The following ESRRG variants were observed in gnomAD, a reference collection of about 807,000 sequenced individuals.
ESRRG encodes the protein estrogen-related receptor gamma.
A neutral mutation model predicts 44.0 loss-of-function variants in ESRRG; 13 were observed. That is an observed-to-expected ratio of 0.30 (90% CI 0.19 to 0.47). The LOEUF (loss-of-function observed/expected upper bound fraction) is 0.47, where lower values mean the gene tolerates loss of function less well. ESRRG is among the 20% of genes least tolerant of loss of function. The pLI is 1.00. For synonymous variants in ESRRG, 215 were observed against 214.6 expected, an observed-to-expected ratio of 1.00 and a Z score of -0.02; for missense variants, 395 against 580.6, an observed-to-expected ratio of 0.68 and a Z score of 3.29.
intron 1 of ESRRG, among the ~76,000 whole-genome samples, chr1:217,088,340 T>G (rs2092211568): frequency 6.6e-6 from 1 of 150,878 alleles, no homozygotes; most frequent in South Asian, 2.1e-4. Flanking sequence ...TAGTAGGAGG[T>G]CATATGGACC....
intron 2 of ESRRG, among the ~76,000 whole-genome samples, chr1:216,770,241 G>GAA (rs919137609): frequency 6.6e-6 from 1 of 151,752 alleles, no homozygotes; most frequent in Non-Finnish European, 1.5e-5. Flanking sequence ...CTATAGAGGG[G>GAA]AAAAAAATAG....
At position 216,852,196 on chromosome 1, in the gene ESRRG, C is replaced by A. The variant is rs1436839162; in HGVS notation, c.-14+87386G>T. On this transcript the variant is annotated intron_variant, in intron 2 of 7. Transcript: ENST00000359162. ...GTCCAAGTCCTTCACTCTTGAAATT[C>A]ATCATCACCACCTTTAAAGAGATTA... Among the ~76,000 whole-genome samples, 3 of 152,316 alleles carry A rather than the reference C, an allele frequency of 2.0e-5. No homozygotes were observed. The East Asian group carries it at 5.8e-4, about 29-fold the overall frequency.
At chr1:216,707,893 T>C in intron 1 of ESRRG, among the ~76,000 whole-genome samples, 1 of 152,336 alleles carries the variant, frequency 6.6e-6, no homozygotes, top group East Asian at 1.9e-4. Flanking sequence ...TTTAAACTGA[T>C]ATTTTCTGAT....
chr1:216,808,657 C>T lies in ESRRG; in HGVS notation c.-14+130925G>A, dbSNP rs114293594. 4.6e-3 allele frequency among the ~76,000 whole-genome samples: 698 copies of T among 152,162 alleles called. 4 individuals are homozygous for T. The highest frequency in any genetic ancestry group is 0.016 in the African/African-American group (663 of 41,530). On this transcript the variant is annotated intron_variant, in intron 2 of 7. Transcript: ENST00000359162. ...CAGGCTAGTCTTGAACTCCTGGGCT[C>T]AAGCTATCTGCCTACCTCAGCCTCC...
intron 1 of ESRRG, among the ~76,000 whole-genome samples, chr1:216,720,057 A>G (rs2085873833): frequency 6.6e-6 from 1 of 152,106 alleles, no homozygotes; most frequent in East Asian, 1.9e-4. Context: ...CCCATTCAAT[A>G]TATATTTCAT....
At chr1:216,999,349 G>A (rs1480111209) in intron 1 of ESRRG, among the ~76,000 whole-genome samples, 1 of 152,156 alleles carries the variant, frequency 6.6e-6, no homozygotes, top group African/African-American at 2.4e-5. Flanking sequence ...TAAATCAAAA[G>A]AGCCACTCTT....
intron 1 of ESRRG, among the ~76,000 whole-genome samples, chr1:217,116,749 T>C (rs2092734254): frequency 6.6e-6 from 1 of 152,300 alleles, no homozygotes; most frequent in East Asian, 1.9e-4. Context: ...CTGCTTTCCC[T>C]CCTCTTTGAA....
intron 5 of ESRRG, among the ~76,000 whole-genome samples, chr1:216,524,007 C>CCG (rs1277518821): frequency 1.3e-4 from 20 of 151,888 alleles, no homozygotes; most frequent in African/African-American, 4.8e-4. Flanking sequence ...ACAAATAAAC[C>CCG]TAATGTTTAC....
chr1:217,059,561 A>C (rs2087899348), intron 1 of ESRRG, among the ~76,000 whole-genome samples: 1 of 152,106 alleles, frequency 6.6e-6, no homozygotes, highest in African/African-American at 2.4e-5. Flanking sequence ...AAGGCTTTTA[A>C]GGCTATGACA....
At chr1:216,797,549 G>A (rs375972198) in intron 2 of ESRRG, among the ~76,000 whole-genome samples, 12 of 152,164 alleles carry the variant, frequency 7.9e-5, no homozygotes, top group African/African-American at 2.9e-4. Context: ...TTACGTAAAG[G>A]GGGGAAAAAA....
intron 1 of ESRRG, chr1:216,707,371 G>A (rs1033660417): frequency 9.8e-6 from 15 of 1,535,738 alleles, no homozygotes; most frequent in Non-Finnish European, 1.2e-5. Context: ...TTTAGCTGAA[G>A]GAACACAGGC....
chr1:216,983,845 T>C (rs1471480621), intron 1 of ESRRG, among the ~76,000 whole-genome samples: 1 of 152,000 alleles, frequency 6.6e-6, no homozygotes, highest in Non-Finnish European at 1.5e-5. Flanking sequence ...ATAACCTGCC[T>C]GCTAATTGGG....
intron 2 of ESRRG, among the ~76,000 whole-genome samples, chr1:216,854,637 G>A (rs552970664): frequency 6.6e-6 from 1 of 152,256 alleles, no homozygotes; most frequent in African/African-American, 2.4e-5. Context: ...AAATGATCAT[G>A]TCTATATGGC....
intron 6 of ESRRG, among the ~76,000 whole-genome samples, chr1:216,510,098 C>T (rs184331364): frequency 2.6e-5 from 4 of 152,254 alleles, no homozygotes; most frequent in Admixed American, 2.6e-4. Context: ...TATGAACTAA[C>T]TAGACAGGAC....
intron 1 of ESRRG, among the ~76,000 whole-genome samples, chr1:217,134,151 C>G (rs2093014064): frequency 1.3e-5 from 2 of 152,138 alleles, no homozygotes; most frequent in Admixed American, 1.3e-4. Flanking sequence ...CGGGAGGGAA[C>G]TGGGGATGCG....
intron 2 of ESRRG, among the ~76,000 whole-genome samples, chr1:216,744,390 G>A (rs1033703520): frequency 6.6e-6 from 1 of 151,928 alleles, no homozygotes. Context: ...AACATCAACT[G>A]TACAACATTC....
chr1:216,550,181 G>A (rs547002759), intron 5 of ESRRG, among the ~76,000 whole-genome samples: 3 of 152,272 alleles, frequency 2.0e-5, no homozygotes, highest in East Asian at 3.9e-4. Context: ...CTGAAATAGT[G>A]TTTGGTTTGT....
intron 3 of ESRRG, among the ~76,000 whole-genome samples, chr1:216,603,229 AT>A (rs1374608198): frequency 2.6e-5 from 4 of 152,242 alleles, no homozygotes; most frequent in East Asian, 1.9e-4. Context: ...ATTCCCTCTT[AT>A]TTTTTTAACA....
At chr1:216,873,775 C>T (rs145746034) in intron 2 of ESRRG, among the ~76,000 whole-genome samples, 50 of 150,948 alleles carry the variant, frequency 3.3e-4, no homozygotes, top group African/African-American at 1.2e-3. Context: ...GTCTCCTCTT[C>T]CTCAGACATC....
Sources: allele counts gnomAD v4.1 joint callset (sites outside exome capture counted in the v4.1 genomes callset), GRCh38; gene constraint gnomAD v4.1.1; transcripts MANE v1.5; gene names NCBI Gene and HGNC (gene_info 2026-07-23, HGNC 2026-07-21).